The following TOP6BL variants were observed in gnomAD, a reference collection of about 807,000 sequenced individuals.
The protein encoded by TOP6BL is type 2 DNA topoisomerase 6 subunit B-like.
chr11:66,751,264 G>A, the TOP6BL span, among the ~76,000 whole-genome samples: 17 of 152,102 alleles, frequency 1.1e-4, no homozygotes, highest in Non-Finnish European at 2.4e-4. Flanking sequence ...CCAGGATCTC[G>A]GCTGGCTGCA....
chr11:66,822,518 A>C, the TOP6BL span: 38 of 1,278,266 alleles, frequency 3.0e-5, no homozygotes, highest in Non-Finnish European at 3.9e-5. Flanking sequence ...TCTAAACCAC[A>C]TCTTGGGATT....
At chr11:66,800,991 G>C in the TOP6BL span, 2 of 1,601,248 alleles carry the variant, frequency 1.2e-6, no homozygotes, top group Non-Finnish European at 1.7e-6. Flanking sequence ...ATTGATTTTA[G>C]AATCTTTGAG....
At chr11:66,807,590 C>CA in the TOP6BL span, among the ~76,000 whole-genome samples, 2 of 151,906 alleles carry the variant, frequency 1.3e-5, no homozygotes, top group East Asian at 3.9e-4. Context: ...AACAAACAAA[C>CA]AAAAAAATCA....
At chr11:66,753,638 C>T in the TOP6BL span, among the ~76,000 whole-genome samples, 8 of 151,810 alleles carry the variant, frequency 5.3e-5, no homozygotes, top group African/African-American at 1.9e-4. Context: ...TATCTCCTGA[C>T]CTCGTGATCC....
the TOP6BL span, chr11:66,842,876 G>A: frequency 7.0e-6 from 11 of 1,573,880 alleles, no homozygotes; most frequent in Non-Finnish European, 9.5e-6. Flanking sequence ...GAAAACAAGA[G>A]GCTCAAGAGG....
chr11:66,818,644 C>A, the TOP6BL span, among the ~76,000 whole-genome samples: 3 of 152,132 alleles, frequency 2.0e-5, no homozygotes, highest in African/African-American at 7.2e-5. Context: ...CTGAGCCTCC[C>A]TTTTCATATC....
the TOP6BL span, among the ~76,000 whole-genome samples, chr11:66,791,487 C>CT: frequency 3.3e-5 from 5 of 152,014 alleles, no homozygotes; most frequent in Non-Finnish European, 7.4e-5. Flanking sequence ...ATCTGTACTT[C>CT]TGTGTGTATG....
At chr11:66,810,863 TC>T in the TOP6BL span, among the ~76,000 whole-genome samples, 5,597 of 150,276 alleles carry the variant, frequency 0.037, 535 homozygotes, top group Admixed American at 0.22. Context: ...AAAAAAAAAA[TC>T]TTTAAAAAAC....
the TOP6BL span, among the ~76,000 whole-genome samples, chr11:66,745,793 GGTTTGTTTGTTTGTTT>G: frequency 2.0e-5 from 3 of 151,218 alleles, no homozygotes; most frequent in Admixed American, 6.6e-5. Flanking sequence ...ATATCTTTAG[GGTTTGTTTGTTTGTTT>G]GTTTGTTTGT....
the TOP6BL span, among the ~76,000 whole-genome samples, chr11:66,774,917 A>C: frequency 6.6e-6 from 1 of 151,776 alleles, no homozygotes; most frequent in Non-Finnish European, 1.5e-5. Flanking sequence ...GTTAGTGACC[A>C]GCCTGGCCAA....
the TOP6BL span, among the ~76,000 whole-genome samples, chr11:66,767,332 C>T: frequency 1.3e-5 from 2 of 152,058 alleles, no homozygotes; most frequent in Non-Finnish European, 2.9e-5. Flanking sequence ...CTATTTCTAT[C>T]ATAAATGTCT....
At chr11:66,780,838 T>C in the TOP6BL span, among the ~76,000 whole-genome samples, 1 of 152,146 alleles carries the variant, frequency 6.6e-6, no homozygotes, top group Non-Finnish European at 1.5e-5. Context: ...TACTTTGGCC[T>C]CCCAAAGTGC....
chr11:66,746,899 A>G, the TOP6BL span, among the ~76,000 whole-genome samples: 4 of 152,068 alleles, frequency 2.6e-5, no homozygotes, highest in East Asian at 7.7e-4. Context: ...CCAAAAATAA[A>G]TGAAATATAT....
the TOP6BL span, chr11:66,745,032 A>C: frequency 8.9e-7 from 1 of 1,118,526 alleles, no homozygotes; most frequent in Non-Finnish European, 1.1e-6. Flanking sequence ...TGAAGGAGGA[A>C]GGTTCGGGAA....
the TOP6BL span, among the ~76,000 whole-genome samples, chr11:66,838,875 G>GCGCC: frequency 5.3e-5 from 8 of 152,300 alleles, no homozygotes; most frequent in East Asian, 1.5e-3. Flanking sequence ...GGGACCACAG[G>GCGCC]CGCCCGCCAT....
chr11:66,776,189 G>A, the TOP6BL span, among the ~76,000 whole-genome samples: 1 of 151,888 alleles, frequency 6.6e-6, no homozygotes, highest in African/African-American at 2.4e-5. Context: ...CTCCTGAGTA[G>A]CTGAGACTAC....
At chr11:66,805,927 C>CT in the TOP6BL span, among the ~76,000 whole-genome samples, 1 of 152,018 alleles carries the variant, frequency 6.6e-6, no homozygotes, top group African/African-American at 2.4e-5. Context: ...CCATGAATAA[C>CT]TGACAGAATA....
chr11:66,790,301 G>T, the TOP6BL span, among the ~76,000 whole-genome samples: 1 of 151,970 alleles, frequency 6.6e-6, no homozygotes, highest in African/African-American at 2.4e-5. Flanking sequence ...TTGATCCCAA[G>T]GAACCTGGAA....
At chr11:66,805,706 C>T in the TOP6BL span, among the ~76,000 whole-genome samples, 4 of 152,082 alleles carry the variant, frequency 2.6e-5, no homozygotes, top group Admixed American at 1.3e-4. Context: ...CCACCAGGCT[C>T]GGCCTCCCAA....
Sources: allele counts gnomAD v4.1 joint callset (sites outside exome capture counted in the v4.1 genomes callset), GRCh38; gene constraint gnomAD v4.1.1; transcripts MANE v1.5; gene names NCBI Gene and HGNC (gene_info 2026-07-23, HGNC 2026-07-21).